The following KCNT2 variants were observed in gnomAD, a reference collection of about 807,000 sequenced individuals.
The protein encoded by KCNT2 is potassium channel subfamily T member 2.
A neutral mutation model predicts 153.8 loss-of-function variants in KCNT2; 67 were observed. The ratio of observed to expected loss-of-function variants is 0.44; its 90% confidence interval spans 0.36 to 0.53. KCNT2 has a LOEUF of 0.53. Ranked by LOEUF, KCNT2 falls within the 20% of genes least tolerant of loss-of-function variation. The pLI, the probability that KCNT2 is intolerant of heterozygous loss-of-function variation, is 0.00. For synonymous variants in KCNT2, 500 were observed against 458.8 expected (o/e 1.09, Z -1.15); for missense variants, 975 against 1,354.8 (o/e 0.72, Z 4.40).
At chr1:196,364,349 T>A (rs753396144) in intron 14 of KCNT2, among the ~76,000 whole-genome samples, 1 of 152,174 alleles carries the variant, frequency 6.6e-6, no homozygotes, top group East Asian at 1.9e-4. Flanking sequence ...TACGTAATTT[T>A]ATTTTTCAGG....
rs1349640851 is a variant in KCNT2, at chr1:196,309,239, A to T, written c.2484-3894T>A. 2.0e-5 allele frequency among the ~76,000 whole-genome samples: 3 copies of T among 151,986 alleles called. No homozygotes were observed. The East Asian group carries it at 5.8e-4, about 29-fold the overall frequency. ...GAAAATCAAGTTTAACTTTTGGAAC[A>T]TTTTTATTTCCCTTAAAAATATGTA... On this transcript the variant is annotated intron_variant, in intron 21 of 27. Coordinates refer to ENST00000294725, the MANE Select transcript of KCNT2 (RefSeq NM_198503.5).
At chr1:196,463,650 TAAAAC>T (rs1403207801) in intron 8 of KCNT2, among the ~76,000 whole-genome samples, 1 of 151,544 alleles carries the variant, frequency 6.6e-6, no homozygotes, top group Admixed American at 6.6e-5. Context: ...TTATACCAAA[TAAAAC>T]AATGAAATAG....
At chr1:196,547,973 C>T (rs1269972232) in intron 1 of KCNT2, among the ~76,000 whole-genome samples, 1 of 151,426 alleles carries the variant, frequency 6.6e-6, no homozygotes, top group African/African-American at 2.4e-5. Flanking sequence ...AGTGGGCCCA[C>T]AGATTTAGCA....
intron 13 of KCNT2, among the ~76,000 whole-genome samples, chr1:196,394,920 T>A (rs1314132026): frequency 6.6e-6 from 1 of 151,304 alleles, no homozygotes; most frequent in Non-Finnish European, 1.5e-5. Context: ...ATATAATTTT[T>A]TCTTGGTTAT....
rs570390419 is a variant in KCNT2 at position 196,461,618 on chromosome 1, T to C, written c.638+3675A>G. ...TTGATAATTAAGCTAAAGTCATGCA[T>C]TTAATTCCCGGATGCTCCAGTTTAC... is the stretch of plus-strand genomic sequence containing the variant. On this transcript the variant is annotated intron_variant, in intron 8 of 27. Transcript: ENST00000294725. 3.3e-5 allele frequency among the ~76,000 whole-genome samples: 5 copies of C among 151,928 alleles called. No homozygotes were observed. In the East Asian group the frequency reaches 9.7e-4, roughly 29 times the overall value.
chr1:196,229,609 A>C (rs895110232), intron 27 of KCNT2, among the ~76,000 whole-genome samples: 2 of 152,138 alleles, frequency 1.3e-5, no homozygotes, highest in Non-Finnish European at 2.9e-5. Flanking sequence ...AGGAACATCA[A>C]AAGCTTACAT....
At chr1:196,383,554 A>G (rs1265681766) in intron 13 of KCNT2, among the ~76,000 whole-genome samples, 1 of 152,150 alleles carries the variant, frequency 6.6e-6, no homozygotes, top group African/African-American at 2.4e-5. Flanking sequence ...TGGGTGATTG[A>G]ATAAGCAAAA....
At chr1:196,449,053 G>A (rs1675931865) in intron 8 of KCNT2, among the ~76,000 whole-genome samples, 1 of 151,590 alleles carries the variant, frequency 6.6e-6, no homozygotes, top group African/African-American at 2.4e-5. Flanking sequence ...ATCATAAAAT[G>A]GGAAAAATTT....
intron 1 of KCNT2, among the ~76,000 whole-genome samples, chr1:196,510,270 A>G (rs987446878): frequency 6.6e-6 from 1 of 152,116 alleles, no homozygotes; most frequent in Non-Finnish European, 1.5e-5. Flanking sequence ...AAGAGGAACT[A>G]TTTACTAATA....
At chr1:196,516,390 C>T (rs1039886912) in intron 1 of KCNT2, among the ~76,000 whole-genome samples, 1 of 152,136 alleles carries the variant, frequency 6.6e-6, no homozygotes, top group Non-Finnish European at 1.5e-5. Flanking sequence ...ACACGAGTCC[C>T]TGATCCCATT....
At chr1:196,360,875 C>T (rs1405130058) in intron 14 of KCNT2, among the ~76,000 whole-genome samples, 1 of 151,886 alleles carries the variant, frequency 6.6e-6, no homozygotes, top group African/African-American at 2.4e-5. Context: ...AATACTATGG[C>T]CGCAAAGATC....
chr1:196,549,531 A>G (rs1657609994), intron 1 of KCNT2, among the ~76,000 whole-genome samples: 1 of 151,798 alleles, frequency 6.6e-6, no homozygotes, highest in Non-Finnish European at 1.5e-5. Context: ...TCGGCTTGTG[A>G]CTTAAGTTAA....
Position 196,282,938 on chromosome 1 carries a change from G to A in KCNT2, c.2698-582C>T, listed in dbSNP as rs183906914. ...CGGCTCACTGCAGCCTCCGCCTCCC[G>A]GGTTCAAGTGATTCTCCTTCCTCAG... On this transcript the variant is annotated intron_variant, in intron 23 of 27. Coordinates refer to ENST00000294725, the MANE Select transcript of KCNT2 (RefSeq NM_198503.5). 1.2e-3 allele frequency among the ~76,000 whole-genome samples: 183 copies of A among 152,160 alleles called. 1 individual carries two copies. The highest frequency in any genetic ancestry group is 4.2e-3 in the African/African-American group (175 of 41,522).
chr1:196,476,122 T>C (rs1353065121), intron 5 of KCNT2, among the ~76,000 whole-genome samples: 1 of 152,170 alleles, frequency 6.6e-6, no homozygotes, highest in Non-Finnish European at 1.5e-5. Flanking sequence ...AAAACACCAA[T>C]CTTAATTTCA....
intron 14 of KCNT2, among the ~76,000 whole-genome samples, chr1:196,364,341 C>A (rs554013116): frequency 6.6e-6 from 1 of 152,010 alleles, no homozygotes; most frequent in Non-Finnish European, 1.5e-5. Context: ...TCCTTGAATA[C>A]GTAATTTTAT....
rs141937153 is a variant in KCNT2 at position 196,464,077 on chromosome 1, T to A, written c.638+1216A>T. Reference sequence around the variant, plus strand: ...GCATACCATACATACATAATTTTTTTAAAAATTTTAAGTACTTTCCCTTAA... The same window carrying A: ...GCATACCATACATACATAATTTTTTAAAAAATTTTAAGTACTTTCCCTTAA... On this transcript the variant is annotated intron_variant, in intron 8 of 27. Transcript: ENST00000294725. Among the ~76,000 whole-genome samples, 1,008 of 151,984 alleles carry A rather than the reference T, an allele frequency of 6.6e-3. 5 individuals carry two copies. Among genetic ancestry groups the A allele is most frequent in the African/African-American group, 0.02 (825 of 41,514 alleles).
intron 21 of KCNT2, among the ~76,000 whole-genome samples, chr1:196,312,268 A>G (rs1451537092): frequency 6.6e-6 from 1 of 151,556 alleles, no homozygotes; most frequent in East Asian, 2.0e-4. Context: ...GGATTCAAGG[A>G]GTCTTCTGAG....
At position 196,499,200 on chromosome 1, in the gene KCNT2, C is replaced by T. The variant is rs145083398; in HGVS notation, c.96-6859G>A. On this transcript the variant is annotated intron_variant, in intron 1 of 27. Coordinates refer to ENST00000294725, the MANE Select transcript of KCNT2 (RefSeq NM_198503.5). ...ATCCTCTCCTAGAGCATTAGTAAAG[C>T]GCAAGGCCCTGCCTACACCCTATGT... Among the ~76,000 whole-genome samples the T allele has an allele frequency of 5.7e-4, 87 of 152,308 alleles. 1 individual carries two copies. Among genetic ancestry groups the T allele is most frequent in the African/African-American group, 1.9e-3 (80 of 41,586 alleles).
intron 1 of KCNT2, among the ~76,000 whole-genome samples, chr1:196,525,202 A>G (rs1214120179): frequency 6.6e-6 from 1 of 152,024 alleles, no homozygotes; most frequent in Non-Finnish European, 1.5e-5. Flanking sequence ...TTTCACAGTT[A>G]TTTGTAGATT....
Sources: allele counts gnomAD v4.1 joint callset (sites outside exome capture counted in the v4.1 genomes callset), GRCh38; gene constraint gnomAD v4.1.1; transcripts MANE v1.5; gene names NCBI Gene and HGNC (gene_info 2026-07-23, HGNC 2026-07-21).